PRICKLE1: variants seen among roughly 807,000 people sequenced by gnomAD.
PRICKLE1 encodes prickle-like protein 1.
Under a neutral mutation model 70.2 loss-of-function variants are expected in PRICKLE1, and 14 were observed. That is an observed-to-expected ratio of 0.20 (90% CI 0.13 to 0.31). PRICKLE1 has a LOEUF of 0.31. Among genes scored for constraint, PRICKLE1 ranks in the 10% least tolerant of loss-of-function variants. PRICKLE1 has a pLI of 1.00. For missense variants in PRICKLE1, 821 were observed against 1,026.2 expected (o/e 0.80, Z 2.73); for synonymous variants, 357 against 379.9 (o/e 0.94, Z 0.70).
chr12:42,523,787 T>A (rs565142647), intron 1 of PRICKLE1, among the ~76,000 whole-genome samples: 57 of 152,354 alleles, frequency 3.7e-4, no homozygotes, highest in African/African-American at 1.3e-3. Context: ...TATCCCATAC[T>A]TAAATGAAAT....
At chr12:42,485,881 A>G (rs1384843342) in intron 1 of PRICKLE1, among the ~76,000 whole-genome samples, 2 of 152,174 alleles carry the variant, frequency 1.3e-5, no homozygotes, top group Non-Finnish European at 2.9e-5. Flanking sequence ...TTTATTACCC[A>G]TTGTAAGCGT....
intron 1 of PRICKLE1, among the ~76,000 whole-genome samples, chr12:42,495,534 C>T (rs900835207): frequency 6.6e-6 from 1 of 151,990 alleles, no homozygotes; most frequent in Non-Finnish European, 1.5e-5. Flanking sequence ...ACCTGGCTTC[C>T]ACTTCTAATT....
At position 42,458,084 on chromosome 12, in the gene PRICKLE1, G is replaced by A. The variant is rs1454659903; in HGVS notation, c.*1725C>T. On this transcript the variant is annotated 3_prime_UTR_variant, in exon 8 of 8. Coordinates refer to ENST00000345127, the MANE Select transcript of PRICKLE1 (RefSeq NM_153026.3). ...AGCCCAGATACAAACCCTTGTGTGG[G>A]ACGGCTGTCCACCTACTACTCGCTG... The A allele has an allele frequency of 6.6e-6, 1 of 152,198 alleles. No homozygotes were observed. The highest frequency in any genetic ancestry group is 1.5e-5 in the Non-Finnish European group (1 of 68,052). The allele number at this position is 152,198 out of a possible 1,614,324, so 9.4% of individuals were successfully genotyped here.
intron 1 of PRICKLE1, among the ~76,000 whole-genome samples, chr12:42,582,204 C>T (rs1940913858): frequency 6.6e-6 from 1 of 152,216 alleles, no homozygotes; most frequent in African/African-American, 2.4e-5. Flanking sequence ...AACATCTTCT[C>T]TGTATATTTT....
chr12:42,584,263 AG>A (rs1940951922), intron 1 of PRICKLE1: 1 of 152,192 alleles, frequency 6.6e-6, no homozygotes, highest in South Asian at 2.1e-4. Flanking sequence ...GGGAAAAAAA[AG>A]TGTACCAAAT....
intron 1 of PRICKLE1, among the ~76,000 whole-genome samples, chr12:42,515,593 G>A (rs1010714661): frequency 6.6e-6 from 1 of 152,164 alleles, no homozygotes; most frequent in Non-Finnish European, 1.5e-5. Context: ...TTCATGGAAG[G>A]TAAAATTGTT....
chr12:42,473,021 A>C (rs946364915), intron 1 of PRICKLE1, among the ~76,000 whole-genome samples: 1 of 152,198 alleles, frequency 6.6e-6, no homozygotes, highest in Non-Finnish European at 1.5e-5. Flanking sequence ...GTATTTCCTA[A>C]GCAATTTTTC....
chr12:42,496,113 A>C (rs2140176053), intron 1 of PRICKLE1, among the ~76,000 whole-genome samples: 1 of 152,364 alleles, frequency 6.6e-6, no homozygotes, highest in East Asian at 1.9e-4. Context: ...TTTTAAAGTA[A>C]GACTTGAAAG....
intron 1 of PRICKLE1, among the ~76,000 whole-genome samples, chr12:42,542,360 T>C (rs946990445): frequency 3.9e-5 from 6 of 152,022 alleles, no homozygotes; most frequent in Non-Finnish European, 1.5e-5. Flanking sequence ...TTTTAAAAAT[T>C]TATTTTGCGG....
intron 1 of PRICKLE1, among the ~76,000 whole-genome samples, chr12:42,544,092 C>A (rs770721220): frequency 3.9e-5 from 6 of 152,096 alleles, no homozygotes; most frequent in African/African-American, 7.2e-5. Flanking sequence ...GCCTTACTAT[C>A]TCAGGGGTGG....
chr12:42,471,639 C>T (rs1002045841), intron 2 of PRICKLE1, among the ~76,000 whole-genome samples: 1 of 152,162 alleles, frequency 6.6e-6, no homozygotes, highest in Non-Finnish European at 1.5e-5. Context: ...TCCCACCCTA[C>T]AGGAAACAGA....
At chr12:42,546,383 G>A (rs1220249853) in intron 1 of PRICKLE1, among the ~76,000 whole-genome samples, 1 of 152,182 alleles carries the variant, frequency 6.6e-6, no homozygotes, top group Non-Finnish European at 1.5e-5. Flanking sequence ...CACAATGGAA[G>A]GAACTTTTCA....
chr12:42,582,120 A>G (rs1940912029), intron 1 of PRICKLE1, among the ~76,000 whole-genome samples: 1 of 152,212 alleles, frequency 6.6e-6, no homozygotes, highest in East Asian at 1.9e-4. Context: ...GTTTTTGGCT[A>G]TTAGCCTGCC....
intron 1 of PRICKLE1, among the ~76,000 whole-genome samples, chr12:42,498,169 T>C (rs2140178605): frequency 7.6e-6 from 1 of 132,446 alleles, no homozygotes; most frequent in South Asian, 2.4e-4. Context: ...TTTTCTTTTC[T>C]CTCTCTCTTT....
chr12:42,566,908 AAAC>A (rs1940629819), intron 1 of PRICKLE1, among the ~76,000 whole-genome samples: 1 of 152,230 alleles, frequency 6.6e-6, no homozygotes, highest in Admixed American at 6.5e-5. Flanking sequence ...TCTAAAATAG[AAAC>A]TCTTAATACT....
chr12:42,534,074 G>A (rs1023322139), intron 1 of PRICKLE1, among the ~76,000 whole-genome samples: 1 of 152,000 alleles, frequency 6.6e-6, no homozygotes, highest in Non-Finnish European at 1.5e-5. Flanking sequence ...CCTACTTATT[G>A]TATAAAGTAG....
intron 1 of PRICKLE1, among the ~76,000 whole-genome samples, chr12:42,488,978 C>A (rs1344539682): frequency 1.4e-5 from 2 of 146,278 alleles, no homozygotes; most frequent in Non-Finnish European, 3.0e-5. Flanking sequence ...GGCTGCAGTG[C>A]AATGGCACAA....
chr12:42,476,370 C>T (rs920634812), intron 1 of PRICKLE1, among the ~76,000 whole-genome samples: 3 of 151,632 alleles, frequency 2.0e-5, no homozygotes, highest in Non-Finnish European at 2.9e-5. Context: ...TTAGTAGAGA[C>T]GGGGTTTCTC....
At chr12:42,497,338 G>T (rs1426308200) in intron 1 of PRICKLE1, among the ~76,000 whole-genome samples, 1 of 152,064 alleles carries the variant, frequency 6.6e-6, no homozygotes, top group African/African-American at 2.4e-5. Flanking sequence ...GAGGTCAGGA[G>T]ATCAAGATCA....
Sources: allele counts gnomAD v4.1 joint callset (sites outside exome capture counted in the v4.1 genomes callset), GRCh38; gene constraint gnomAD v4.1.1; transcripts MANE v1.5; gene names NCBI Gene and HGNC (gene_info 2026-07-23, HGNC 2026-07-21).